The following CTNND2 variants were observed in gnomAD, a reference collection of about 807,000 sequenced individuals.
The protein encoded by CTNND2 is catenin delta 2.
Under a neutral mutation model 144.4 loss-of-function variants are expected in CTNND2, and 22 were observed. That is an observed-to-expected ratio of 0.15 (90% CI 0.11 to 0.22). CTNND2 has a LOEUF of 0.22. Among genes scored for constraint, CTNND2 ranks in the 10% least tolerant of loss-of-function variants. The pLI, the probability that CTNND2 is intolerant of heterozygous loss-of-function variation, is 1.00. For missense variants in CTNND2, 1,353 were observed against 1,618.8 expected, an observed-to-expected ratio of 0.84 and a Z score of 2.82; for synonymous variants, 751 against 695.6, an observed-to-expected ratio of 1.08 and a Z score of -1.25.
chr5:11,321,061 T>C (rs990952492), intron 9 of CTNND2, among the ~76,000 whole-genome samples: 2 of 152,204 alleles, frequency 1.3e-5, no homozygotes, highest in Non-Finnish European at 1.5e-5. Flanking sequence ...AATGCAGAGC[T>C]AAATAACACA....
At chr5:11,821,108 T>G (rs965262429) in intron 1 of CTNND2, among the ~76,000 whole-genome samples, 5 of 152,212 alleles carry the variant, frequency 3.3e-5, no homozygotes, top group Non-Finnish European at 5.9e-5. Flanking sequence ...AAAATACAAT[T>G]GTCTGTACCT....
At chr5:11,153,368 C>G (rs1430434943) in intron 12 of CTNND2, among the ~76,000 whole-genome samples, 2 of 152,160 alleles carry the variant, frequency 1.3e-5, no homozygotes, top group African/African-American at 4.8e-5. Context: ...ACTTTAAAAA[C>G]ACTTTCTCAA....
chr5:11,845,067 G>A lies in CTNND2; in HGVS notation c.37+58750C>T, dbSNP rs114151621. Among the ~76,000 whole-genome samples the A allele has an allele frequency of 4.4e-3, 662 of 152,152 alleles. 9 individuals are homozygous for A. The highest frequency in any genetic ancestry group is 0.014 in the African/African-American group (592 of 41,500). ...TCTCCAGTGGCTACTAGCCGAGGAC[G>A]CATAAGGAAGCCACAGCTATGTTAG... On this transcript the variant is annotated intron_variant, in intron 1 of 21. Coordinates refer to ENST00000304623, the MANE Select transcript of CTNND2 (RefSeq NM_001332.4).
intron 1 of CTNND2, among the ~76,000 whole-genome samples, chr5:11,836,165 T>C (rs919754586): frequency 2.0e-5 from 3 of 152,180 alleles, no homozygotes; most frequent in African/African-American, 7.2e-5. Context: ...TCCATGTTGG[T>C]TGGGCCACGT....
chr5:11,444,179 G>A (rs1764589311), intron 3 of CTNND2, among the ~76,000 whole-genome samples: 1 of 152,192 alleles, frequency 6.6e-6, no homozygotes, highest in Non-Finnish European at 1.5e-5. Flanking sequence ...CACTGTGGAA[G>A]TGATACAGGT....
chr5:11,217,832 G>C (rs1424092798), intron 10 of CTNND2, among the ~76,000 whole-genome samples: 1 of 152,136 alleles, frequency 6.6e-6, no homozygotes, highest in African/African-American at 2.4e-5. Context: ...GCCCCTACTA[G>C]CTTTTGCCAT....
At position 11,432,121 on chromosome 5, in the gene CTNND2, C is replaced by CTT. The variant is rs5865940; in HGVS notation, c.288-20054_288-20053dup. Among the ~76,000 whole-genome samples the CTT allele has an allele frequency of 9.7e-3, 763 of 78,308 alleles. 19 individuals carry two copies. Among genetic ancestry groups the CTT allele is most frequent in the African/African-American group, 0.026 (630 of 23,954 alleles). 51.4% of individuals were successfully genotyped at this position (78,308 alleles called of 152,430 possible). On this transcript the variant is annotated intron_variant, in intron 3 of 21. Coordinates refer to ENST00000304623, the MANE Select transcript of CTNND2 (RefSeq NM_001332.4). ...ATACTATCATTTTCTGAGGTTGAGG[C>CTT]TTTTTTTTTTTTTTTTTTTTAAGTT...
At chr5:11,566,877 G>C (rs1441755244) in intron 2 of CTNND2, among the ~76,000 whole-genome samples, 1 of 152,146 alleles carries the variant, frequency 6.6e-6, no homozygotes, top group Non-Finnish European at 1.5e-5. Context: ...GATTTTCCAA[G>C]ACTCTTCATC....
At chr5:10,998,241 G>A (rs533882255) in intron 18 of CTNND2, among the ~76,000 whole-genome samples, 7 of 152,260 alleles carry the variant, frequency 4.6e-5, no homozygotes, top group South Asian at 4.2e-4. Context: ...TGATGACAGC[G>A]GAGTGTGGTG....
At chr5:11,080,032 C>A (rs1053694136) in intron 16 of CTNND2, among the ~76,000 whole-genome samples, 2 of 152,046 alleles carry the variant, frequency 1.3e-5, no homozygotes, top group African/African-American at 2.4e-5. Context: ...AATGAAGAGA[C>A]AACCTACAGA....
rs150166420 is a variant in CTNND2, at chr5:11,715,973, C to T, written c.174+16163G>A. 5.4e-3 allele frequency among the ~76,000 whole-genome samples: 824 copies of T among 152,256 alleles called. 9 individuals carry two copies. The highest frequency in any genetic ancestry group is 0.019 in the African/African-American group (795 of 41,546). On this transcript the variant is annotated intron_variant, in intron 2 of 21. Transcript: ENST00000304623. The stretch of plus-strand genomic sequence containing the variant: ...GCCTCCAATTATCCAAACTCTCTAT[C>T]GTAGACAAGCAGACTTCGTTCAATA...
rs143972640 is a variant in CTNND2, at chr5:11,115,792, G to A, written c.2277+1658C>T. Among the ~76,000 whole-genome samples, 31 of 152,302 alleles carry A rather than the reference G, an allele frequency of 2.0e-4. 1 individual carries two copies. In the East Asian group the frequency reaches 4.8e-3, roughly 24 times the overall value. On this transcript the variant is annotated intron_variant, in intron 13 of 21. Coordinates refer to ENST00000304623, the MANE Select transcript of CTNND2 (RefSeq NM_001332.4). ...GTGAACTAGTACTCAAAGGGCTGAC[G>A]TCCCAGAGGTACCTTGCATTCAGAT...
intron 3 of CTNND2, among the ~76,000 whole-genome samples, chr5:11,547,268 AAAATAAATAAATAAATAAAT>A (rs140923100): frequency 0.019 from 2,677 of 143,140 alleles, 44 homozygotes; most frequent in Non-Finnish European, 0.028. Context: ...ATTCCATCTC[AAAATAAATAAATAAATAAAT>A]AAATAAATAA....
rs371232647 is a variant in CTNND2, at chr5:11,767,880, T to C, written c.38-35608A>G. Among the ~76,000 whole-genome samples, 8 of 151,304 alleles carry C rather than the reference T, an allele frequency of 5.3e-5. No individual in the cohort carries two copies. The South Asian group carries it at 1.7e-3, about 32-fold the overall frequency. On this transcript the variant is annotated intron_variant, in intron 1 of 21. Transcript: ENST00000304623. ...TTTGGATAATATCTGTCAAATTATG[T>C]AAAAAGAAAAATGTATGGTAGATAT...
intron 1 of CTNND2, among the ~76,000 whole-genome samples, chr5:11,770,805 T>C (rs1249697050): frequency 1.3e-5 from 2 of 151,668 alleles, no homozygotes; most frequent in Non-Finnish European, 2.9e-5. Flanking sequence ...AGAGAGAGAA[T>C]ATGTGTGTGA....
chr5:11,230,366 A>AT (rs1215449846), intron 10 of CTNND2, among the ~76,000 whole-genome samples: 22 of 32,648 alleles, frequency 6.7e-4, no homozygotes, highest in South Asian at 4.1e-3. Flanking sequence ...TTAAAGTATA[A>AT]TTAAAAAAAA....
At chr5:11,197,748 CAGA>C (rs1160114988) in intron 11 of CTNND2, among the ~76,000 whole-genome samples, 1 of 152,136 alleles carries the variant, frequency 6.6e-6, no homozygotes, top group Non-Finnish European at 1.5e-5. Context: ...ACACATGCTG[CAGA>C]AGATGTCATG....
At chr5:11,608,257 A>G (rs1780158041) in intron 2 of CTNND2, among the ~76,000 whole-genome samples, 1 of 152,176 alleles carries the variant, frequency 6.6e-6, no homozygotes, top group Non-Finnish European at 1.5e-5. Context: ...GGCTTTAAAC[A>G]TCATCTATAT....
chr5:11,801,486 T>G (rs1791679178), intron 1 of CTNND2, among the ~76,000 whole-genome samples: 1 of 152,192 alleles, frequency 6.6e-6, no homozygotes, highest in African/African-American at 2.4e-5. Flanking sequence ...GCAACACTGG[T>G]TTCTTCTTAC....
Sources: gnomAD v4.1 joint callset for allele counts (sites outside exome capture counted in the v4.1 genomes callset) on GRCh38, gnomAD v4.1.1 for gene constraint, MANE v1.5 for transcripts, NCBI Gene and HGNC (gene_info 2026-07-23, HGNC 2026-07-21) for gene names.